The following OR1L8 variants were observed in gnomAD, a reference collection of about 807,000 sequenced individuals.
OR1L8 encodes olfactory receptor family 1 subfamily L member 8, also known as olfactory receptor 1L8.
For missense variants in OR1L8, 330 were observed against 377.4 expected, an observed-to-expected ratio of 0.87 and a Z score of 1.04; for synonymous variants, 148 against 147.0, an observed-to-expected ratio of 1.01 and a Z score of -0.05.
chr9:122,553,380 C>T, the OR1L8 span: 30 of 1,614,138 alleles, frequency 1.9e-5, no homozygotes, highest in Admixed American at 6.7e-5. Context: ...CTCTGACCCA[C>T]ACCTCCATAC....
intron 1 of OR1L8, among the ~76,000 whole-genome samples, chr9:122,582,717 T>TA (rs1171459860): frequency 1.3e-5 from 2 of 152,018 alleles, no homozygotes; most frequent in Admixed American, 6.6e-5. Context: ...CCCTGTCTCT[T>TA]AAAAAAAGTT....
chr9:122,577,688 T>G (rs1194897870), intron 2 of OR1L8, among the ~76,000 whole-genome samples: 1 of 152,228 alleles, frequency 6.6e-6, no homozygotes, highest in East Asian at 1.9e-4. Flanking sequence ...GGTGGAAATG[T>G]AAAGTATCAC....
chr9:122,555,238 C>T, the OR1L8 span, among the ~76,000 whole-genome samples: 4 of 152,116 alleles, frequency 2.6e-5, no homozygotes, highest in South Asian at 8.3e-4. Flanking sequence ...GAAGGTATGC[C>T]CTTTTGGTGT....
the OR1L8 span, among the ~76,000 whole-genome samples, chr9:122,550,413 C>T: frequency 6.6e-6 from 1 of 152,146 alleles, no homozygotes; most frequent in South Asian, 2.1e-4. Context: ...GCAGGTATCA[C>T]CTGGATATCA....
chr9:122,569,900 A>C (rs945598330), intron 4 of OR1L8, among the ~76,000 whole-genome samples: 1 of 151,376 alleles, frequency 6.6e-6, no homozygotes, highest in East Asian at 1.9e-4. Flanking sequence ...TCATTGTTCA[A>C]TTCCCACCAA....
intron 4 of OR1L8, among the ~76,000 whole-genome samples, chr9:122,572,134 A>T (rs1363576741): frequency 6.6e-6 from 1 of 152,158 alleles, no homozygotes; most frequent in Non-Finnish European, 1.5e-5. Flanking sequence ...AAACTCACTC[A>T]CTAACATGAT....
chr9:122,552,384 A>G, the OR1L8 span, among the ~76,000 whole-genome samples: 1 of 152,204 alleles, frequency 6.6e-6, no homozygotes, highest in Admixed American at 6.5e-5. Flanking sequence ...TATTAGATAA[A>G]TGTAGTACAA....
chr9:122,548,873 C>G, the OR1L8 span, among the ~76,000 whole-genome samples: 3 of 151,338 alleles, frequency 2.0e-5, no homozygotes, highest in Non-Finnish European at 2.9e-5. Flanking sequence ...CATTAGTCTT[C>G]TGTCAGATGC....
downstream of OR1L8, among the ~76,000 whole-genome samples, chr9:122,563,309 AT>A (rs1829381105): frequency 6.6e-6 from 1 of 152,100 alleles, no homozygotes; most frequent in Non-Finnish European, 1.5e-5. Flanking sequence ...GTTAACAATA[AT>A]TTATTGTATA....
At position 122,567,139 on chromosome 9, in the gene OR1L8, CTT is replaced by C; in HGVS notation, c.*407_*408del. On this transcript the variant is annotated 3_prime_UTR_variant, in exon 5 of 5. Coordinates refer to ENST00000641027, the MANE Select transcript of OR1L8 (RefSeq NM_001004454.2). ...ATCCTCCTCTTCCTTCATTCTTTCT[CTT>C]TTCAATTTTTTTGCAAAAACATTCA... 6.5e-6 allele frequency: 1 copy of C among 155,018 alleles called. No homozygotes were observed. The highest frequency in any genetic ancestry group is 1.4e-5 in the Non-Finnish European group (1 of 70,154). The allele number at this position is 155,018 out of a possible 1,614,324, so 9.6% of individuals were successfully genotyped here. A position where few individuals can be genotyped will look rare whatever the true frequency, so the allele number is the denominator to read the frequency against.
In OR1L8 at chr9:122,568,244, A is replaced by G. The variant is rs370511519; in HGVS notation, c.234T>C (p.Val78=). ...GGAAGTTCATCAGCATCTTGGGGAC[A>G]ACGCTTGTTGTAAAGCAAATATCAG... The part of the protein sequence containing the change: ...SLTDICFTTS[V]VPKMLMNFLS... The change falls in exon 5 of 5, where the codon GTT becomes GTC. Residue 78 remains valine (V), a synonymous_variant. Transcript: ENST00000641027. 4.5e-5 allele frequency: 73 copies of G among 1,614,050 alleles called. No homozygotes were observed. The highest frequency in any genetic ancestry group is 5.7e-5 in the Non-Finnish European group (67 of 1,179,994).
At chr9:122,550,234 G>A in the OR1L8 span, among the ~76,000 whole-genome samples, 1 of 152,010 alleles carries the variant, frequency 6.6e-6, no homozygotes, top group Non-Finnish European at 1.5e-5. Flanking sequence ...AACCAATACT[G>A]AGTAGTGAGA....
chr9:122,577,767 A>G (rs1036787612), intron 2 of OR1L8, among the ~76,000 whole-genome samples: 13 of 152,358 alleles, frequency 8.5e-5, no homozygotes, highest in African/African-American at 2.9e-4. Context: ...TATCCAAAGG[A>G]AACAGTTGAA....
chr9:122,566,539 T>G (rs1239364897), downstream of OR1L8, among the ~76,000 whole-genome samples: 2 of 152,210 alleles, frequency 1.3e-5, no homozygotes, highest in East Asian at 3.8e-4. Flanking sequence ...AAGATATATT[T>G]GATTCTTTGA....
the OR1L8 span, among the ~76,000 whole-genome samples, chr9:122,550,258 T>C: frequency 6.6e-6 from 1 of 151,970 alleles, no homozygotes; most frequent in Admixed American, 6.6e-5. Context: ...AATCATACAA[T>C]CTCCCAACAA....
At chr9:122,548,278 G>A in the OR1L8 span, among the ~76,000 whole-genome samples, 1 of 152,120 alleles carries the variant, frequency 6.6e-6, no homozygotes, top group South Asian at 2.1e-4. Flanking sequence ...TAATTGGGTG[G>A]AATTGACTAG....
At chr9:122,574,099 TA>T (rs1459868371) in intron 3 of OR1L8, among the ~76,000 whole-genome samples, 2 of 152,184 alleles carry the variant, frequency 1.3e-5, no homozygotes, top group Non-Finnish European at 2.9e-5. Context: ...TTTGCCAGTA[TA>T]TATTGTCTTG....
At chr9:122,562,183 G>A (rs4837986), downstream of OR1L8, among the ~76,000 whole-genome samples, 88,455 of 152,096 alleles carry the variant, frequency 0.58, 26,250 homozygotes, top group East Asian at 0.97. Context: ...TCCCTGGCTC[G>A]GCAGGGGAAA....
At chr9:122,563,748 C>T (rs1564198022), downstream of OR1L8, among the ~76,000 whole-genome samples, 1 of 152,186 alleles carries the variant, frequency 6.6e-6, no homozygotes, top group Non-Finnish European at 1.5e-5. Flanking sequence ...AGTTTCAGGT[C>T]TTACAGTCAA....
Sources: gnomAD v4.1 joint callset for allele counts (sites outside exome capture counted in the v4.1 genomes callset) on GRCh38, gnomAD v4.1.1 for gene constraint, MANE v1.5 for transcripts, NCBI Gene and HGNC (gene_info 2026-07-23, HGNC 2026-07-21) for gene names.